Variants in VEPH1 observed in about 807,000 individuals in gnomAD.
The protein encoded by VEPH1 is ventricular zone-expressed PH domain-containing protein homolog 1.
Under a neutral mutation model 85.2 loss-of-function variants are expected in VEPH1, and 80 were observed. The ratio of observed to expected loss-of-function variants is 0.94; its 90% CI spans 0.78 to 1.13. The LOEUF (loss-of-function observed/expected upper bound fraction) is 1.13, where lower values mean the gene tolerates loss of function less well. VEPH1 is among the 50% of genes most tolerant of loss of function. The probability of loss-of-function intolerance (pLI) is 0.00; values close to 1 mark genes in which losing one functional copy is unlikely to be tolerated. For synonymous variants in VEPH1, 297 were observed against 348.0 expected (o/e 0.85, Z 1.63); for missense variants, 955 against 980.5 (o/e 0.97, Z 0.35).
At chr3:157,314,369 C>T (rs1460974494) in intron 10 of VEPH1, among the ~76,000 whole-genome samples, 2 of 83,602 alleles carry the variant, frequency 2.4e-5, no homozygotes, top group Admixed American at 1.3e-4. Flanking sequence ...AAAAATTAAA[C>T]GAAAAAGATC....
At position 157,260,653 on chromosome 3, in the gene VEPH1, G is replaced by T. The variant is rs1244946824; in HGVS notation, c.*481C>A. 6.6e-6 allele frequency: 1 copy of T among 152,090 alleles called. No homozygotes were observed. Among genetic ancestry groups the T allele is most frequent in the Non-Finnish European group, 1.5e-5 (1 of 68,266 alleles). 9.4% of individuals were successfully genotyped at this position (152,090 alleles called of 1,614,324 possible). A position where few individuals can be genotyped will look rare whatever the true frequency, so the allele number is the denominator to read the frequency against. ...TATATGTCTATAAGTAAGTTATATG[G>T]TTTTTCTCAGTGTACATTAGTTCAA... On this transcript the variant is annotated 3_prime_UTR_variant, in exon 14 of 14. Transcript: ENST00000362010.
chr3:157,261,435 T>G (rs1712887426), intron 13 of VEPH1, 65 bp from the exon 14 acceptor site: 1 of 1,576,352 alleles, frequency 6.3e-7, no homozygotes, highest in South Asian at 1.2e-5. Flanking sequence ...CTCTGGCTAC[T>G]GGAGAACTTT....
chr3:157,326,715 GACTT>G (rs1721946138), intron 9 of VEPH1, among the ~76,000 whole-genome samples: 2 of 152,216 alleles, frequency 1.3e-5, no homozygotes, highest in Admixed American at 6.5e-5. Flanking sequence ...AGTGGGTCCT[GACTT>G]CCCTCACATT....
At chr3:157,359,514 C>G (rs1024798555) in intron 9 of VEPH1, among the ~76,000 whole-genome samples, 2 of 152,166 alleles carry the variant, frequency 1.3e-5, no homozygotes, top group Admixed American at 1.3e-4. Flanking sequence ...AATGACACTG[C>G]CGACCCAAAC....
chr3:157,345,421 A>G (rs1417114808), intron 9 of VEPH1, among the ~76,000 whole-genome samples: 1 of 152,264 alleles, frequency 6.6e-6, no homozygotes, highest in African/African-American at 2.4e-5. Flanking sequence ...CAACAGACAC[A>G]TGGAAAAATG....
intron 4 of VEPH1, among the ~76,000 whole-genome samples, chr3:157,454,931 T>C (rs1051002611): frequency 6.6e-6 from 1 of 152,196 alleles, no homozygotes; most frequent in African/African-American, 2.4e-5. Flanking sequence ...TTTGTTCTTA[T>C]TTATGGTAGC....
intron 4 of VEPH1, among the ~76,000 whole-genome samples, chr3:157,447,028 TATTG>T (rs1734604432): frequency 6.6e-6 from 1 of 152,242 alleles, no homozygotes; most frequent in Non-Finnish European, 1.5e-5. Context: ...CATGAAGTTA[TATTG>T]AAAATAAGAT....
intron 11 of VEPH1, among the ~76,000 whole-genome samples, chr3:157,304,355 T>C (rs1443725577): frequency 6.6e-6 from 1 of 152,196 alleles, no homozygotes; most frequent in African/African-American, 2.4e-5. Context: ...TTATTTTTTC[T>C]GTAAGGGACA....
At chr3:157,265,954 G>A (rs908542701) in intron 12 of VEPH1, among the ~76,000 whole-genome samples, 2 of 150,712 alleles carry the variant, frequency 1.3e-5, no homozygotes, top group African/African-American at 4.9e-5. Context: ...TTAGCTTTCT[G>A]TGCTTGGTTT....
At chr3:157,416,343 C>A (rs1437907916) in intron 5 of VEPH1, among the ~76,000 whole-genome samples, 1 of 150,054 alleles carries the variant, frequency 6.7e-6, no homozygotes, top group African/African-American at 2.5e-5. Context: ...ACTTTAGATT[C>A]ATATCCAGTA....
chr3:157,366,621 G>A (rs543311137), intron 7 of VEPH1, among the ~76,000 whole-genome samples: 4 of 152,152 alleles, frequency 2.6e-5, no homozygotes, highest in Admixed American at 2.0e-4. Flanking sequence ...TGTAATCCCA[G>A]CTACTCGGGA....
intron 6 of VEPH1, among the ~76,000 whole-genome samples, chr3:157,401,372 C>T (rs984844170): frequency 6.6e-6 from 1 of 152,076 alleles, no homozygotes; most frequent in African/African-American, 2.4e-5. Context: ...TATACATCAG[C>T]TACAATTGAA....
At chr3:157,442,940 A>T (rs781412181) in intron 4 of VEPH1, 2 of 1,613,658 alleles carry the variant, frequency 1.2e-6, no homozygotes, top group Non-Finnish European at 1.7e-6. Context: ...GGGGAGTCAC[A>T]GAGATCCAGC....
At chr3:157,387,349 TG>T (rs1381826933) in intron 6 of VEPH1, among the ~76,000 whole-genome samples, 1 of 152,218 alleles carries the variant, frequency 6.6e-6, no homozygotes, top group Non-Finnish European at 1.5e-5. Flanking sequence ...ATCCACTGTA[TG>T]TCTGGTACTT....
intron 4 of VEPH1, chr3:157,442,841 C>T (rs1734243019): frequency 1.2e-6 from 2 of 1,614,022 alleles, no homozygotes; most frequent in Admixed American, 1.7e-5. Context: ...TCACAGGCTT[C>T]AATATCTGGG....
chr3:157,407,049 C>T (rs1731193161), intron 6 of VEPH1, among the ~76,000 whole-genome samples: 1 of 151,204 alleles, frequency 6.6e-6, no homozygotes, highest in African/African-American at 2.4e-5. Flanking sequence ...CCAAGTTGAC[C>T]CATGTTAGGA....
chr3:157,351,491 G>T (rs1489543068), intron 9 of VEPH1, among the ~76,000 whole-genome samples: 1 of 152,146 alleles, frequency 6.6e-6, no homozygotes, highest in Non-Finnish European at 1.5e-5. Context: ...ACCGCACTTG[G>T]CCCATCTCCT....
At chr3:157,470,665 C>G in intron 2 of VEPH1, 136 bp from the exon 3 acceptor site, 2 of 686,664 alleles carry the variant, frequency 2.9e-6, no homozygotes, top group Non-Finnish European at 4.6e-6. Context: ...AAGCCTAATA[C>G]AATAAAGGCT....
At chr3:157,395,456 C>T (rs747812690) in intron 6 of VEPH1, among the ~76,000 whole-genome samples, 43 of 152,142 alleles carry the variant, frequency 2.8e-4, no homozygotes, top group Admixed American at 2.0e-3. Context: ...TTGCTGAGCC[C>T]ATGAATAACC....
Sources: gnomAD v4.1 joint callset for allele counts (sites outside exome capture counted in the v4.1 genomes callset) on GRCh38, gnomAD v4.1.1 for gene constraint, MANE v1.5 for transcripts, NCBI Gene and HGNC (gene_info 2026-07-23, HGNC 2026-07-21) for gene names.